The following MYT1L variants were observed in gnomAD, a reference collection of about 807,000 sequenced individuals.
MYT1L encodes the protein myelin transcription factor 1 like.
Under a neutral mutation model 126.7 loss-of-function variants are expected in MYT1L, and 12 were observed. The ratio of observed to expected loss-of-function variants is 0.09; its 90% confidence interval spans 0.06 to 0.15. The LOEUF (loss-of-function observed/expected upper bound fraction) is 0.15. Ranked by LOEUF, MYT1L falls within the 10% of genes least tolerant of loss-of-function variation. The pLI, the probability that MYT1L is intolerant of heterozygous loss-of-function variation, is 1.00. For missense variants in MYT1L, 979 were observed against 1,585.2 expected (o/e 0.62, Z 6.49); for synonymous variants, 541 against 604.2 (o/e 0.90, Z 1.53).
intron 9 of MYT1L, among the ~76,000 whole-genome samples, chr2:1,934,432 T>C (rs989350647): frequency 2.0e-5 from 3 of 151,986 alleles, no homozygotes; most frequent in African/African-American, 7.3e-5. Flanking sequence ...TACAGTGATT[T>C]CAATGCTGTC....
At chr2:1,882,831 G>A (rs939100810) in intron 18 of MYT1L, among the ~76,000 whole-genome samples, 1 of 152,152 alleles carries the variant, frequency 6.6e-6, no homozygotes, top group African/African-American at 2.4e-5. Context: ...CCTCGGGATG[G>A]TCTAGAAATA....
intron 8 of MYT1L, among the ~76,000 whole-genome samples, chr2:1,972,688 C>T (rs527724737): frequency 6.6e-6 from 1 of 152,306 alleles, no homozygotes; most frequent in Non-Finnish European, 1.5e-5. Flanking sequence ...AGCTCCAGAA[C>T]AGCCTCCTGT....
chr2:1,963,186 C>T (rs1286495243), intron 8 of MYT1L, among the ~76,000 whole-genome samples: 1 of 152,218 alleles, frequency 6.6e-6, no homozygotes, highest in Non-Finnish European at 1.5e-5. Context: ...TCCACCAGTG[C>T]TCTTGGGTGC....
chr2:2,030,544 G>A (rs1257497945), intron 4 of MYT1L, among the ~76,000 whole-genome samples: 1 of 152,130 alleles, frequency 6.6e-6, no homozygotes, highest in Admixed American at 6.5e-5. Context: ...GAGTGATTAA[G>A]ATTTTTTAAA....
intron 4 of MYT1L, among the ~76,000 whole-genome samples, chr2:2,014,194 C>T (rs1261340542): frequency 7.1e-6 from 1 of 140,744 alleles, no homozygotes; most frequent in Admixed American, 6.9e-5. Flanking sequence ...TGCAGGAATC[C>T]TGTTTTTTTT....
chr2:2,021,350 T>C (rs1259842608), intron 4 of MYT1L, among the ~76,000 whole-genome samples: 1 of 152,100 alleles, frequency 6.6e-6, no homozygotes, highest in African/African-American at 2.4e-5. Context: ...CCCAGACATG[T>C]CCAGGCTGAT....
chr2:2,107,074 T>A (rs897223760), intron 3 of MYT1L, among the ~76,000 whole-genome samples: 21 of 152,172 alleles, frequency 1.4e-4, no homozygotes, highest in African/African-American at 4.8e-4. Flanking sequence ...TGCACGAGTA[T>A]GTCATATTGT....
intron 5 of MYT1L, among the ~76,000 whole-genome samples, chr2:1,989,575 C>T (rs7608969): frequency 0.31 from 46,346 of 151,852 alleles, 7,418 homozygotes; most frequent in South Asian, 0.41. Context: ...CTTGACAATA[C>T]GGAAATAATT....
chr2:1,863,261 G>A (rs1349905694), intron 18 of MYT1L, among the ~76,000 whole-genome samples: 1 of 152,150 alleles, frequency 6.6e-6, no homozygotes, highest in Non-Finnish European at 1.5e-5. Context: ...TGTGGCCTTT[G>A]GGACTATAAG....
intron 5 of MYT1L, among the ~76,000 whole-genome samples, chr2:1,990,753 C>A (rs1248277972): frequency 6.6e-6 from 1 of 152,180 alleles, no homozygotes; most frequent in Non-Finnish European, 1.5e-5. Flanking sequence ...CTGCCAGGAC[C>A]AGCCCTGCCT....
chr2:2,092,014 A>G (rs1411838752), intron 3 of MYT1L, among the ~76,000 whole-genome samples: 1 of 152,228 alleles, frequency 6.6e-6, no homozygotes, highest in Non-Finnish European at 1.5e-5. Flanking sequence ...CATATCAGCA[A>G]TAAGGCTGGT....
At position 1,889,218 on chromosome 2, in the gene MYT1L, C is replaced by T. The variant is rs769939410; in HGVS notation, c.2520+23G>A. 1.3e-6 allele frequency: 2 copies of T among 1,594,948 alleles called. No individual in the cohort carries two copies. The highest frequency in any genetic ancestry group is 1.7e-6 in the Non-Finnish European group (2 of 1,164,642). On this transcript the variant is annotated intron_variant, in intron 16 of 24. Coordinates refer to ENST00000647738, the MANE Select transcript of MYT1L (RefSeq NM_001303052.2). The surrounding 1 kb of genome is among the most constrained non-coding windows in gnomAD (Gnocchi z 4.1). ...CCATTTTTAAGTCTGGCAGTCAACA[C>T]AGGCTCAATGAAAAGGACATACAGT... is the stretch of plus-strand genomic sequence containing the variant.
At chr2:2,098,240 C>T (rs1157529328) in intron 3 of MYT1L, among the ~76,000 whole-genome samples, 3 of 152,208 alleles carry the variant, frequency 2.0e-5, no homozygotes, top group South Asian at 4.1e-4. Flanking sequence ...CTGTAGGCTT[C>T]TTTCCTCATG....
chr2:2,243,978 T>C (rs943870598), intron 2 of MYT1L, among the ~76,000 whole-genome samples: 4 of 152,278 alleles, frequency 2.6e-5, no homozygotes, highest in East Asian at 1.9e-4. Flanking sequence ...CAGGAAAGTT[T>C]TTGAATGACT....
intron 4 of MYT1L, among the ~76,000 whole-genome samples, chr2:2,050,116 C>T (rs904666507): frequency 2.0e-5 from 3 of 152,024 alleles, no homozygotes; most frequent in African/African-American, 7.2e-5. Flanking sequence ...TTGTAGTTTA[C>T]ATTAGGTTCA....
chr2:2,270,974 C>T (rs2095251942), intron 2 of MYT1L, among the ~76,000 whole-genome samples: 1 of 152,146 alleles, frequency 6.6e-6, no homozygotes, highest in Non-Finnish European at 1.5e-5. Context: ...AACTCCTTAC[C>T]CGTGTCAAGG....
Position 2,273,054 on chromosome 2 carries a change from C to A in MYT1L, c.-421+11350G>T, listed in dbSNP as rs370961948. 4.3e-4 allele frequency among the ~76,000 whole-genome samples: 65 copies of A among 152,256 alleles called. 1 individual carries two copies. The highest frequency in any genetic ancestry group is 1.5e-3 in the African/African-American group (63 of 41,550). On this transcript the variant is annotated intron_variant, in intron 2 of 24. Coordinates refer to ENST00000647738, the MANE Select transcript of MYT1L (RefSeq NM_001303052.2). ...CTCTCAGGGGCCTGTGCCTTCCGGGCCCCTTGCTGTCTCTCACGGAATCCA... is the reference window on the plus strand; with the variant it reads ...CTCTCAGGGGCCTGTGCCTTCCGGGACCCTTGCTGTCTCTCACGGAATCCA...
chr2:1,837,870 ACATT>A (rs1392747584), intron 21 of MYT1L, among the ~76,000 whole-genome samples: 1 of 149,542 alleles, frequency 6.7e-6, no homozygotes, highest in African/African-American at 2.5e-5. Context: ...CGGGGAAAGG[ACATT>A]CAATTTCTCT....
At chr2:1,981,593 C>A (rs995540568) in intron 5 of MYT1L, among the ~76,000 whole-genome samples, 3 of 152,182 alleles carry the variant, frequency 2.0e-5, no homozygotes, top group African/African-American at 4.8e-5. Context: ...GTGCAGACGA[C>A]GGGCCTGAGC....
Sources: gnomAD v4.1 joint callset for allele counts (sites outside exome capture counted in the v4.1 genomes callset) on GRCh38, gnomAD v4.1.1 for gene constraint, Gnocchi (gnomAD v3.1) non-coding constraint, MANE v1.5 for transcripts, NCBI Gene and HGNC (gene_info 2026-07-23, HGNC 2026-07-21) for gene names.